The following COBLL1 variants were observed in gnomAD, a reference collection of about 807,000 sequenced individuals.
COBLL1 encodes cordon-bleu WH2 repeat protein like 1.
Under a neutral mutation model 94.8 loss-of-function variants are expected in COBLL1, and 50 were observed. The ratio of observed to expected loss-of-function variants is 0.53; its 90% CI spans 0.42 to 0.67. The LOEUF (loss-of-function observed/expected upper bound fraction) is 0.67. Among genes scored for constraint, COBLL1 ranks in the 30% least tolerant of loss-of-function variants. The pLI is 0.00. For synonymous variants in COBLL1, 448 were observed against 473.8 expected, an observed-to-expected ratio of 0.95 and a Z score of 0.71; for missense variants, 1,362 against 1,348.7, an observed-to-expected ratio of 1.01 and a Z score of -0.15.
intron 2 of COBLL1, among the ~76,000 whole-genome samples, chr2:164,831,111 T>G (rs1179127121): frequency 6.6e-6 from 1 of 152,060 alleles, no homozygotes; most frequent in Non-Finnish European, 1.5e-5. Flanking sequence ...TCACCCAAGT[T>G]CAGGAGTTCG....
chr2:164,782,665 G>A (rs759099210), intron 2 of COBLL1, among the ~76,000 whole-genome samples: 38 of 152,106 alleles, frequency 2.5e-4, no homozygotes, highest in Non-Finnish European at 4.6e-4. Flanking sequence ...GATTAAAATG[G>A]TAAATTCTAT....
At chr2:164,794,006 A>C (rs923193462) in intron 2 of COBLL1, among the ~76,000 whole-genome samples, 1 of 152,192 alleles carries the variant, frequency 6.6e-6, no homozygotes, top group Non-Finnish European at 1.5e-5. Context: ...TATTCATCAT[A>C]ATTAGAACCC....
At chr2:164,672,392 T>G (rs1022842935) in intron 1 of COBLL1, among the ~76,000 whole-genome samples, 3 of 152,134 alleles carry the variant, frequency 2.0e-5, no homozygotes, top group African/African-American at 7.2e-5. Context: ...GGTTTTTTTC[T>G]TCTTCCCTTA....
intron 2 of COBLL1, among the ~76,000 whole-genome samples, chr2:164,802,715 T>G (rs1355321130): frequency 6.6e-6 from 1 of 152,214 alleles, no homozygotes; most frequent in Non-Finnish European, 1.5e-5. Context: ...GAGTTTTTAG[T>G]CCTTGAAGTA....
chr2:164,664,051 A>G (rs1449451912), intron 2 of COBLL1, among the ~76,000 whole-genome samples: 1 of 152,250 alleles, frequency 6.6e-6, no homozygotes, highest in Non-Finnish European at 1.5e-5. Flanking sequence ...TGGAGACTTT[A>G]TACCTAGAAG....
chr2:164,673,509 C>T lies in COBLL1; in HGVS notation n.127-7608G>A, dbSNP rs186516090. Reference sequence around the variant, plus strand: ...GGCCAACATGGTGAAACCTCATCTCCACTAAAAATACAAAAATTAGCCGGG... The same window carrying T: ...GGCCAACATGGTGAAACCTCATCTCTACTAAAAATACAAAAATTAGCCGGG... On this transcript the variant is annotated intron_variant and non_coding_transcript_variant, in intron 1 of 2. Transcript: ENST00000495084. Among the ~76,000 whole-genome samples the T allele has an allele frequency of 2.0e-5, 3 of 152,038 alleles. No individual in the cohort carries two copies. In the East Asian group the frequency reaches 5.8e-4, roughly 29 times the overall value.
chr2:164,760,382 T>C (rs1416634078), intron 2 of COBLL1, among the ~76,000 whole-genome samples: 1 of 152,114 alleles, frequency 6.6e-6, no homozygotes, highest in Non-Finnish European at 1.5e-5. Flanking sequence ...GGCAGCCAAA[T>C]TTGGAGGCAT....
At chr2:164,805,325 C>CTATATATA (rs1185358869) in intron 2 of COBLL1, among the ~76,000 whole-genome samples, 11 of 31,502 alleles carry the variant, frequency 3.5e-4, no homozygotes, top group East Asian at 8.0e-4. Flanking sequence ...CTCTCTCTCT[C>CTATATATA]TCTCTCTCTC....
At chr2:164,801,319 G>T (rs1683776846) in intron 2 of COBLL1, among the ~76,000 whole-genome samples, 1 of 150,442 alleles carries the variant, frequency 6.6e-6, no homozygotes, top group South Asian at 2.1e-4. Context: ...GGCGCCTGTA[G>T]TCCCAGCTAC....
intron 2 of COBLL1, among the ~76,000 whole-genome samples, chr2:164,754,777 T>C (rs1687309379): frequency 6.6e-6 from 1 of 152,234 alleles, no homozygotes; most frequent in Non-Finnish European, 1.5e-5. Context: ...ACCTTGTCTA[T>C]ATTTAAAGGA....
intron 5 of COBLL1, among the ~76,000 whole-genome samples, chr2:164,725,738 A>G (rs1381154009): frequency 6.6e-6 from 1 of 152,154 alleles, no homozygotes; most frequent in African/African-American, 2.4e-5. Flanking sequence ...ATTTTTGGTG[A>G]AGAAATTTTC....
intron 7 of COBLL1, 94 bp from the exon 8 acceptor site, chr2:164,705,199 T>C: frequency 1.1e-6 from 1 of 951,258 alleles, no homozygotes; most frequent in East Asian, 3.0e-5. Context: ...ACAGGATATA[T>C]CCAAATGGAA....
chr2:164,755,020 C>T (rs1687326370), intron 2 of COBLL1, among the ~76,000 whole-genome samples: 1 of 152,044 alleles, frequency 6.6e-6, no homozygotes, highest in Admixed American at 6.6e-5. Flanking sequence ...TAAAAAATAG[C>T]CTGGCATGCT....
At chr2:164,782,954 G>C (rs1471077846) in intron 2 of COBLL1, among the ~76,000 whole-genome samples, 1 of 152,020 alleles carries the variant, frequency 6.6e-6, no homozygotes, top group Non-Finnish European at 1.5e-5. Context: ...AACTTCAATA[G>C]TTCAGTAGTT....
At chr2:164,720,633 A>C (rs993489715) in intron 7 of COBLL1, among the ~76,000 whole-genome samples, 1 of 152,238 alleles carries the variant, frequency 6.6e-6, no homozygotes, top group Non-Finnish European at 1.5e-5. Flanking sequence ...AAGGGCTACA[A>C]GCACAAAATA....
intron 2 of COBLL1, among the ~76,000 whole-genome samples, chr2:164,818,405 T>C (rs972102027): frequency 1.3e-5 from 2 of 150,098 alleles, no homozygotes; most frequent in Admixed American, 6.7e-5. Context: ...CATGTGTACA[T>C]ATATACATAT....
chr2:164,670,811 G>A (rs1158469605), intron 1 of COBLL1, among the ~76,000 whole-genome samples: 1 of 152,116 alleles, frequency 6.6e-6, no homozygotes, highest in Non-Finnish European at 1.5e-5. Flanking sequence ...GCTCAGAAGA[G>A]GAAAGTTTGT....
intron 2 of COBLL1, among the ~76,000 whole-genome samples, chr2:164,795,292 T>C (rs1032571807): frequency 2.0e-5 from 3 of 152,288 alleles, no homozygotes; most frequent in African/African-American, 4.8e-5. Context: ...TATGCATATA[T>C]ATGAGGAGAG....
chr2:164,672,382 GGTT>G (rs1208872777), intron 1 of COBLL1, among the ~76,000 whole-genome samples: 2 of 152,112 alleles, frequency 1.3e-5, no homozygotes. Flanking sequence ...GAAAGGAGAG[GGTT>G]TTTTTCTTCT....
Sources: allele counts gnomAD v4.1 joint callset (sites outside exome capture counted in the v4.1 genomes callset), GRCh38; gene constraint gnomAD v4.1.1; transcripts MANE v1.5; gene names NCBI Gene and HGNC (gene_info 2026-07-23, HGNC 2026-07-21).